The following OPRM1 variants were observed in gnomAD, a reference collection of about 807,000 sequenced individuals.
OPRM1 encodes the protein mu-type opioid receptor.
A neutral mutation model predicts 31.8 loss-of-function variants in OPRM1; 27 were observed. That is an observed-to-expected ratio of 0.85 (90% CI 0.63 to 1.17). The LOEUF is 1.17. Among genes scored for constraint, OPRM1 ranks in the 50% most tolerant of loss-of-function variants. The pLI, the probability that OPRM1 is intolerant of heterozygous loss-of-function variation, is 0.00. For missense variants in OPRM1, 536 were observed against 511.1 expected (o/e 1.05, Z -0.47); for synonymous variants, 196 against 189.9 (o/e 1.03, Z -0.26).
chr6:154,021,175 G>C (rs1164723845), intron 1 of OPRM1, among the ~76,000 whole-genome samples: 1 of 152,100 alleles, frequency 6.6e-6, no homozygotes, highest in African/African-American at 2.4e-5. Flanking sequence ...ATCTTTTTGC[G>C]TGTGAACATC....
chr6:154,198,446 T>G (rs1776797830), intron 3 of OPRM1, among the ~76,000 whole-genome samples: 1 of 152,160 alleles, frequency 6.6e-6, no homozygotes, highest in Non-Finnish European at 1.5e-5. Context: ...TTTACTCCAG[T>G]TCTTCTAATC....
At chr6:154,062,209 G>T (rs887734128) in intron 1 of OPRM1, among the ~76,000 whole-genome samples, 1 of 152,054 alleles carries the variant, frequency 6.6e-6, no homozygotes, top group Non-Finnish European at 1.5e-5. Flanking sequence ...AGTAAAAAGG[G>T]AGAACATTTC....
At chr6:154,208,197 G>A (rs762018205) in intron 3 of OPRM1, among the ~76,000 whole-genome samples, 2 of 122,060 alleles carry the variant, frequency 1.6e-5, no homozygotes, top group Non-Finnish European at 3.7e-5. Context: ...CTACCACTAT[G>A]CTTTGGCTTC....
intron 3 of OPRM1, among the ~76,000 whole-genome samples, chr6:154,100,309 C>G (rs1301105616): frequency 2.0e-5 from 2 of 101,746 alleles, no homozygotes; most frequent in Non-Finnish European, 4.1e-5. Flanking sequence ...CAAAAAGTCA[C>G]AGAGCTCATG....
chr6:154,174,685 A>C (rs138957585), intron 3 of OPRM1, among the ~76,000 whole-genome samples: 5 of 152,176 alleles, frequency 3.3e-5, no homozygotes, highest in African/African-American at 1.2e-4. Context: ...GTCCTTAGAG[A>C]CCTACAAAGA....
rs1428672457 is a variant in OPRM1, at chr6:154,129,435, CTTG to C, written c.*10720_*10722del. Among the ~76,000 whole-genome samples, 2 of 152,148 alleles carry C rather than the reference CTTG, an allele frequency of 1.3e-5. No homozygotes were observed. Among genetic ancestry groups the C allele is most frequent in the Admixed American group, 6.6e-5 (1 of 15,258 alleles). ...AGCTGCCTGTATTTGGTTTTACTTC[CTTG>C]TTGTTTTTACTGAATATGAAACAAT... On this transcript the variant is annotated 3_prime_UTR_variant, in exon 4 of 4. Transcript: ENST00000330432.
rs1797447957 is a variant in OPRM1, at chr6:154,124,016, C to T, written c.*5295C>T. Among the ~76,000 whole-genome samples the T allele has an allele frequency of 6.6e-6, 1 of 152,150 alleles. No homozygotes were observed. The highest frequency in any genetic ancestry group is 2.4e-5 in the African/African-American group (1 of 41,414). On this transcript the variant is annotated 3_prime_UTR_variant, in exon 4 of 4. Transcript: ENST00000330432. ...GTCTCAGCCTTATTTTACCCAGCCT[C>T]TATTCAAGATGGAGTCGCTCTGGTT...
chr6:154,077,372 C>A (rs1017147381), intron 1 of OPRM1, among the ~76,000 whole-genome samples: 17 of 151,930 alleles, frequency 1.1e-4, no homozygotes, highest in African/African-American at 3.9e-4. Context: ...CCCACCTCGG[C>A]CTCCCAAAGT....
At chr6:154,025,108 AAAGT>A (rs1345122059) in intron 1 of OPRM1, among the ~76,000 whole-genome samples, 1 of 152,026 alleles carries the variant, frequency 6.6e-6, no homozygotes, top group African/African-American at 2.4e-5. Flanking sequence ...TTTAATGTTG[AAAGT>A]TGGCTTTTGA....
intron 1 of OPRM1, among the ~76,000 whole-genome samples, chr6:154,075,303 G>A (rs1463429914): frequency 6.6e-6 from 1 of 152,064 alleles, no homozygotes; most frequent in Non-Finnish European, 1.5e-5. Flanking sequence ...AAAATAATCA[G>A]TTACAAGTAT....
intron 3 of OPRM1, among the ~76,000 whole-genome samples, chr6:154,172,651 C>T (rs1470039555): frequency 6.6e-6 from 1 of 152,226 alleles, no homozygotes; most frequent in Admixed American, 6.5e-5. Flanking sequence ...AACAAAGCAG[C>T]AGGGAAGCTC....
intron 3 of OPRM1, among the ~76,000 whole-genome samples, chr6:154,202,884 C>A (rs939792514): frequency 3.3e-5 from 5 of 151,946 alleles, no homozygotes; most frequent in East Asian, 1.9e-4. Flanking sequence ...AGAAGAAACA[C>A]GAAGACTTGG....
chr6:154,144,775 A>G (rs942038404), intron 3 of OPRM1, among the ~76,000 whole-genome samples: 5 of 149,422 alleles, frequency 3.3e-5, no homozygotes, highest in African/African-American at 1.2e-4. Context: ...AAAAAAAAGA[A>G]TTATACACCA....
At chr6:154,054,621 A>G (rs1050147815) in intron 1 of OPRM1, among the ~76,000 whole-genome samples, 103 of 152,200 alleles carry the variant, frequency 6.8e-4, no homozygotes, top group African/African-American at 2.3e-3. Flanking sequence ...TATTTATAGA[A>G]CAAGTAGTAA....
At chr6:154,214,651 C>G (rs1778239206) in intron 3 of OPRM1, among the ~76,000 whole-genome samples, 1 of 152,136 alleles carries the variant, frequency 6.6e-6, no homozygotes, top group Non-Finnish European at 1.5e-5. Context: ...AGGTGTTACT[C>G]TTAATAATGT....
chr6:154,063,277 G>T (rs984199170), intron 1 of OPRM1, among the ~76,000 whole-genome samples: 7 of 151,776 alleles, frequency 4.6e-5, no homozygotes, highest in Non-Finnish European at 1.0e-4. Flanking sequence ...ACATCAGTTC[G>T]CACAAACCCC....
Position 154,023,219 on chromosome 6 carries a change from ATTTCT to A in OPRM1, c.-1+12205_-1+12209del, listed in dbSNP as rs536700932. On this transcript the variant is annotated intron_variant, in intron 1 of 5. Transcript: ENST00000434900. Reference sequence around the variant, plus strand: ...TTTCAATTTTTTAGTGTCCTTTTACATTTCTTTTATTACTTTTTTTATAGTTTTCA... The same window carrying A: ...TTTCAATTTTTTAGTGTCCTTTTACATTTATTACTTTTTTTATAGTTTTCA... 2.7e-4 allele frequency among the ~76,000 whole-genome samples: 40 copies of A among 150,212 alleles called. No homozygotes were observed. The South Asian group carries it at 5.6e-3, about 21-fold the overall frequency.
At chr6:154,236,837 T>C (rs1780174712) in intron 3 of OPRM1, among the ~76,000 whole-genome samples, 1 of 152,152 alleles carries the variant, frequency 6.6e-6, no homozygotes, top group African/African-American at 2.4e-5. Flanking sequence ...ATTGGGTGCG[T>C]TCTCTTTCAA....
chr6:154,018,497 C>T (rs891871416), intron 1 of OPRM1, among the ~76,000 whole-genome samples: 13 of 144,732 alleles, frequency 9.0e-5, no homozygotes, highest in African/African-American at 3.4e-4. Context: ...TATTGTGCCC[C>T]GTTAATTCTT....
Sources: allele counts gnomAD v4.1 joint callset (sites outside exome capture counted in the v4.1 genomes callset), GRCh38; gene constraint gnomAD v4.1.1; transcripts MANE v1.5; gene names NCBI Gene and HGNC (gene_info 2026-07-23, HGNC 2026-07-21).